ARHGEF18: variants seen among roughly 807,000 people sequenced by gnomAD.
The protein encoded by ARHGEF18 is rho guanine nucleotide exchange factor 18.
A neutral mutation model predicts 155.7 loss-of-function variants in ARHGEF18; 93 were observed. That is an observed-to-expected ratio of 0.60 (90% CI 0.50 to 0.71). The LOEUF (loss-of-function observed/expected upper bound fraction) is 0.71. Ranked by LOEUF, ARHGEF18 falls within the 30% of genes least tolerant of loss-of-function variation. ARHGEF18 has a pLI of 0.00. For missense variants in ARHGEF18, 1,593 were observed against 1,816.1 expected (o/e 0.88, Z 2.23); for synonymous variants, 742 against 753.1 (o/e 0.99, Z 0.24).
intron 10 of ARHGEF18, among the ~76,000 whole-genome samples, chr19:7,431,024 C>T (rs1973928345): frequency 6.6e-6 from 1 of 151,648 alleles, no homozygotes. Context: ...TGTGATAGCA[C>T]ACACCTATGG....
intron 10 of ARHGEF18, among the ~76,000 whole-genome samples, chr19:7,411,278 T>TCCCCTTCCCCTC (rs1568309303): frequency 9.8e-6 from 1 of 101,526 alleles, no homozygotes. Flanking sequence ...CCCTTCCCCT[T>TCCCCTTCCCCTC]TCCCTTTCCC....
At chr19:7,363,661 G>T (rs927115631) in intron 2 of ARHGEF18, among the ~76,000 whole-genome samples, 1 of 151,778 alleles carries the variant, frequency 6.6e-6, no homozygotes, top group African/African-American at 2.4e-5. Context: ...AGGATGGATG[G>T]ATAATGGATG....
intron 3 of ARHGEF18, among the ~76,000 whole-genome samples, chr19:7,374,634 T>C (rs1400017787): frequency 2.0e-5 from 3 of 151,366 alleles, no homozygotes; most frequent in African/African-American, 7.3e-5. Flanking sequence ...GCCAAGTTTA[T>C]GCCACTGCAC....
At position 7,382,865 on chromosome 19, in the gene ARHGEF18, C is replaced by T. The variant is rs1251355105; in HGVS notation, c.796C>T (p.Arg266Cys). 6.5e-6 allele frequency: 8 copies of T among 1,232,496 alleles called. No homozygotes were observed. The highest frequency in any genetic ancestry group is 4.2e-5 in the Admixed American group (1 of 23,702). 76.3% of individuals were successfully genotyped at this position (1,232,496 alleles called of 1,614,324 possible). A position where few individuals can be genotyped will look rare whatever the true frequency, so the allele number is the denominator to read the frequency against. ...TGTGAAGCGCAGGCTGAGCTGCCTC[C>T]GCAGTCGAGTGACCAGGCAGAAGGA... Reference protein sequence around the residue: ...TSVKRRLSCLRSRVTRQKEKG... With the variant: ...TSVKRRLSCLCSRVTRQKEKG... The change falls in exon 9 of 29, where the codon CGC becomes TGC. Residue 266 changes from arginine (R) to cysteine (C), a missense_variant. Arg to Cys is a radical substitution (Grantham distance 180). Coordinates refer to ENST00000668164, the MANE Select transcript of ARHGEF18 (RefSeq NM_001367823.1).
chr19:7,450,920 CA>C (rs1555724829), intron 15 of ARHGEF18, among the ~76,000 whole-genome samples: 1 of 960 alleles, frequency 1.0e-3, no homozygotes, highest in Non-Finnish European at 2.3e-3. Context: ...GATGTTAATG[CA>C]GGATCTTGCT....
chr19:7,421,515 C>G (rs2145678347), intron 10 of ARHGEF18, among the ~76,000 whole-genome samples: 1 of 152,270 alleles, frequency 6.6e-6, no homozygotes, highest in East Asian at 1.9e-4. Context: ...AATCCCAGCA[C>G]TTTGGGAGGC....
At chr19:7,446,901 AAAAAAAAAAAG>A in intron 14 of ARHGEF18, 131 bp from the exon 15 acceptor site, 2 of 1,168,402 alleles carry the variant, frequency 1.7e-6, no homozygotes, top group South Asian at 1.6e-5. Flanking sequence ...GTCTCAAAAA[AAAAAAAAAAAG>A]AAGAAGAAAG....
At chr19:7,476,335 T>C (rs372228571), downstream of ARHGEF18, among the ~76,000 whole-genome samples, 71 of 147,058 alleles carry the variant, frequency 4.8e-4, no homozygotes, top group African/African-American at 1.8e-3. Context: ...GGCAGTGCAA[T>C]TGATATCACA....
chr19:7,470,010 C>A lies in ARHGEF18; in HGVS notation c.3894C>A (p.His1298Gln). ...RSLSPILPGRHSPAPPPDPGF... is the reference protein window; with the variant it reads ...RSLSPILPGRQSPAPPPDPGF... Reference sequence around the variant, plus strand: ...TGAGCCCTATCCTGCCCGGCAGACACAGTCCTGCGCCCCCACCAGGTGAGC... The same window carrying A: ...TGAGCCCTATCCTGCCCGGCAGACAAAGTCCTGCGCCCCCACCAGGTGAGC... Residue 1298 changes from histidine (H) to glutamine (Q), a missense_variant, in exon 28 of 29, where the codon CAC (histidine) becomes CAA (glutamine). Transcript: ENST00000668164. This position sits in a 1 kb window ranked among gnomAD's most constrained non-coding sequence, Gnocchi z 5.9. The A allele has an allele frequency of 6.2e-7, 1 of 1,613,006 alleles. No homozygotes were observed. Among genetic ancestry groups the A allele is most frequent in the Non-Finnish European group, 8.5e-7 (1 of 1,179,874 alleles).
chr19:7,460,069 G>A (rs2145875322), intron 20 of ARHGEF18, 75 bp downstream of exon 20: 6 of 1,399,516 alleles, frequency 4.3e-6, no homozygotes, highest in South Asian at 1.3e-5. Context: ...TGGCCACAGA[G>A]GGTGAACTGC....
intron 3 of ARHGEF18, among the ~76,000 whole-genome samples, 190 bp from the exon 4 acceptor site, chr19:7,375,530 C>CT (rs1970419883): frequency 6.6e-6 from 1 of 152,214 alleles, no homozygotes; most frequent in Admixed American, 6.5e-5. Flanking sequence ...GGCTGGCTTT[C>CT]TTTGTCCTCT....
At chr19:7,431,255 C>G (rs1460439932) in intron 10 of ARHGEF18, among the ~76,000 whole-genome samples, 3 of 151,368 alleles carry the variant, frequency 2.0e-5, no homozygotes, top group African/African-American at 7.3e-5. Flanking sequence ...GGTGGCTCAC[C>G]CCTGTAATCC....
intron 10 of ARHGEF18, among the ~76,000 whole-genome samples, chr19:7,428,800 CT>C (rs1272794056): frequency 6.6e-6 from 1 of 152,150 alleles, no homozygotes; most frequent in Non-Finnish European, 1.5e-5. Flanking sequence ...CCTAACTGTG[CT>C]CCCCGCCCTG....
chr19:7,446,520 A>G (rs1334034735), intron 14 of ARHGEF18, among the ~76,000 whole-genome samples: 1 of 151,950 alleles, frequency 6.6e-6, no homozygotes, highest in Non-Finnish European at 1.5e-5. Context: ...AGGTGGGTGG[A>G]TCAAGAGGTC....
chr19:7,350,767 GGTGTGTGT>G (rs71177199), intron 1 of ARHGEF18, among the ~76,000 whole-genome samples: 1,020 of 19,448 alleles, frequency 0.052, 14 homozygotes, highest in African/African-American at 0.1. Flanking sequence ...TTTTGGGGTG[GGTGTGTGT>G]GTGTGTGTGT....
the ARHGEF18 span, chr19:7,478,411 C>A: frequency 6.3e-7 from 1 of 1,588,102 alleles, no homozygotes; most frequent in Non-Finnish European, 8.6e-7. Flanking sequence ...GATGCCCCGG[C>A]GGGGAGCAGG....
chr19:7,447,374 A>G (rs1975064485), intron 15 of ARHGEF18, among the ~76,000 whole-genome samples: 1 of 152,054 alleles, frequency 6.6e-6, no homozygotes, highest in Non-Finnish European at 1.5e-5. Flanking sequence ...CTGTAATCCC[A>G]GCTACTTGGG....
At position 7,464,576 on chromosome 19, in the gene ARHGEF18, G is replaced by A. The variant is rs772069376; in HGVS notation, c.2790G>A (p.Lys930=). 3 of 1,611,230 alleles carry A rather than the reference G, an allele frequency of 1.9e-6. No individual in the cohort carries two copies. The highest frequency in any genetic ancestry group is 2.7e-5 in the African/African-American group (2 of 74,880). Residue 930 remains lysine, a synonymous_variant, in exon 23 of 29, where the codon AAG becomes AAA. Transcript: ENST00000668164. ...NSPTKNGSFK[K]KVSSTDPRPR... ...GGTTCTCAGATGGCAGTTTCAAGAA[G>A]AAAGTCAGCAGCACTGACCCCAGGC...
chr19:7,453,624 CG>C lies in ARHGEF18; in HGVS notation c.2016del (p.Leu673SerfsTer28), dbSNP rs1422240236. 1 of 1,612,756 alleles carries C rather than the reference CG, an allele frequency of 6.2e-7. No homozygotes were observed. Among genetic ancestry groups the C allele is most frequent in the Non-Finnish European group, 8.5e-7 (1 of 1,179,124 alleles). On this transcript the variant is annotated frameshift_variant, in exon 17 of 29. Coordinates refer to ENST00000668164, the MANE Select transcript of ARHGEF18 (RefSeq NM_001367823.1). LOFTEE classifies it high-confidence loss of function. ...DLKSSSKLKNGLTFRKEDMLQ... is the reference protein window; with the variant it reads ...DLKSSSKLKNXLTFRKEDMLQ... ...TGAAGTCTTCCAGCAAACTCAAGAA[CG>C]GGCTCACCTTCCGCAAGGAAGACAT...
Sources: allele counts gnomAD v4.1 joint callset (sites outside exome capture counted in the v4.1 genomes callset), GRCh38; gene constraint gnomAD v4.1.1; non-coding constraint Gnocchi (gnomAD v3.1); transcripts MANE v1.5; gene names NCBI Gene and HGNC (gene_info 2026-07-23, HGNC 2026-07-21).